The following PFKFB3 variants were observed in gnomAD, a reference collection of about 807,000 sequenced individuals.
The protein encoded by PFKFB3 is 6-phosphofructo-2-kinase/fructose-2,6-biphosphatase 3, also known as 6-phosphofructo-2-kinase/fructose-2,6-bisphosphatase 3.
Under a neutral mutation model 68.0 loss-of-function variants are expected in PFKFB3, and 33 were observed. The ratio of observed to expected loss-of-function variants is 0.49; its 90% confidence interval spans 0.37 to 0.65. The LOEUF is 0.65. PFKFB3 is among the 30% of genes least tolerant of loss of function. PFKFB3 has a pLI of 0.00. For missense variants in PFKFB3, 586 were observed against 712.2 expected (o/e 0.82, Z 2.02); for synonymous variants, 315 against 288.2 (o/e 1.09, Z -0.94).
intron 1 of PFKFB3, among the ~76,000 whole-genome samples, chr10:6,167,349 A>T (rs1842175312): frequency 6.6e-6 from 1 of 152,190 alleles, no homozygotes; most frequent in South Asian, 2.1e-4. Flanking sequence ...TGTCTGTCTG[A>T]TACTGAGTCT....
chr10:6,155,771 C>T (rs1206535040), intron 1 of PFKFB3, among the ~76,000 whole-genome samples: 1 of 152,144 alleles, frequency 6.6e-6, no homozygotes, highest in East Asian at 1.9e-4. Flanking sequence ...TCCAGCTAAC[C>T]CTCGTGCCAC....
intron 1 of PFKFB3, among the ~76,000 whole-genome samples, chr10:6,169,664 G>C (rs780474883): frequency 6.6e-6 from 1 of 152,050 alleles, no homozygotes; most frequent in Non-Finnish European, 1.5e-5. Context: ...GATGTATCCT[G>C]GGCTCTCTAG....
intron 1 of PFKFB3, among the ~76,000 whole-genome samples, chr10:6,195,779 C>T (rs1044721491): frequency 9.2e-5 from 14 of 152,230 alleles, no homozygotes; most frequent in African/African-American, 3.4e-4. Context: ...ATTCGGGCTA[C>T]TGTCCTGGCT....
intron 1 of PFKFB3, among the ~76,000 whole-genome samples, chr10:6,208,967 C>T (rs1473565923): frequency 1.3e-5 from 2 of 152,194 alleles, no homozygotes; most frequent in Non-Finnish European, 2.9e-5. Context: ...ACTAATGGTA[C>T]TGCGGGCTTG....
At chr10:6,322,116 C>T in the PFKFB3 span, among the ~76,000 whole-genome samples, 4 of 152,160 alleles carry the variant, frequency 2.6e-5, no homozygotes, top group Admixed American at 6.5e-5. Flanking sequence ...GCGACTCAAA[C>T]GGAACATATC....
chr10:6,292,196 C>T, the PFKFB3 span, among the ~76,000 whole-genome samples: 1 of 149,220 alleles, frequency 6.7e-6, no homozygotes, highest in Non-Finnish European at 1.5e-5. Context: ...TCAAGTGATC[C>T]TCCCACCTCA....
the PFKFB3 span, among the ~76,000 whole-genome samples, chr10:6,267,753 G>A: frequency 1.3e-5 from 2 of 151,688 alleles, no homozygotes; most frequent in South Asian, 4.2e-4. Flanking sequence ...TCAGGAGTTC[G>A]AGACCAGCCT....
downstream of PFKFB3, among the ~76,000 whole-genome samples, chr10:6,258,040 C>T (rs968631233): frequency 1.3e-5 from 2 of 152,218 alleles, no homozygotes; most frequent in South Asian, 2.1e-4. Context: ...AGAAAGGGAC[C>T]GGCGGGTAGA....
At position 6,152,055 on chromosome 10, in the gene PFKFB3, C is replaced by T. The variant is rs144579049; in HGVS notation, c.16+7042C>T. The T allele has an allele frequency of 2.1e-4, 32 of 153,168 alleles. No homozygotes were observed. The East Asian group carries it at 5.4e-3, about 26-fold the overall frequency. 9.5% of individuals were successfully genotyped at this position (153,168 alleles called of 1,614,324 possible). On this transcript the variant is annotated intron_variant, in intron 1 of 14. Transcript: ENST00000379789. Reference sequence around the variant, plus strand: ...TGCCTAGACAAAAAATGTCCTGAAACAATACTTCACCTCAGACAATACTGT... The same window carrying T: ...TGCCTAGACAAAAAATGTCCTGAAATAATACTTCACCTCAGACAATACTGT...
chr10:6,181,213 G>C (rs1382531185), intron 1 of PFKFB3, among the ~76,000 whole-genome samples: 1 of 152,190 alleles, frequency 6.6e-6, no homozygotes, highest in Non-Finnish European at 1.5e-5. Flanking sequence ...TAGAGATAAA[G>C]TCTTGCTGTG....
At position 6,203,091 on chromosome 10, in the gene PFKFB3, G is replaced by C; in HGVS notation, c.-170G>C. 1.4e-6 allele frequency: 2 copies of C among 1,434,936 alleles called. No individual in the cohort carries two copies. The highest frequency in any genetic ancestry group is 1.5e-5 in the South Asian group (1 of 67,410). The allele number at this position is 1,434,936 out of a possible 1,614,324, so 88.9% of individuals were successfully genotyped here. A position where few individuals can be genotyped will look rare whatever the true frequency, so the allele number is the denominator to read the frequency against. The stretch of plus-strand genomic sequence containing the variant: ...CACACGTCGAGCCCCGCACAGGCGA[G>C]GGTCCGGAACTTAGCCCAAAGCACG... On this transcript the variant is annotated 5_prime_UTR_variant, in exon 1 of 15. Coordinates refer to ENST00000379775, the MANE Select transcript of PFKFB3 (RefSeq NM_004566.4).
chr10:6,282,039 G>C, the PFKFB3 span, among the ~76,000 whole-genome samples: 11 of 150,828 alleles, frequency 7.3e-5, no homozygotes, highest in East Asian at 5.8e-4. Context: ...GCACCTTCAC[G>C]GCACACTACA....
At chr10:6,240,910 CT>C (rs35946619) in intron 14 of PFKFB3, among the ~76,000 whole-genome samples, 46,638 of 147,114 alleles carry the variant, frequency 0.32, 7,375 homozygotes, top group African/African-American at 0.4. Flanking sequence ...GTAGAATGTT[CT>C]TTTTTTTTTT....
chr10:6,248,652 A>AAAAG (rs71390202), intron 14 of PFKFB3, among the ~76,000 whole-genome samples: 6,402 of 91,714 alleles, frequency 0.07, 764 homozygotes, highest in East Asian at 0.19. Context: ...AAAAAAAAAA[A>AAAAG]GGCAGGGGAT....
At chr10:6,224,514 T>A in intron 13 of PFKFB3, 1 of 528,302 alleles carries the variant, frequency 1.9e-6, no homozygotes, top group Non-Finnish European at 3.6e-6. Flanking sequence ...AGGGTCTCAG[T>A]CTGTTCCCCA....
chr10:6,219,270 G>A (rs1235271534), intron 6 of PFKFB3, among the ~76,000 whole-genome samples: 1 of 152,208 alleles, frequency 6.6e-6, no homozygotes, highest in East Asian at 1.9e-4. Context: ...GGTGACTCGG[G>A]CACGGGACAG....
chr10:6,217,025 A>C (rs1844630402), intron 5 of PFKFB3, 110 bp from the exon 6 acceptor site: 1 of 1,099,372 alleles, frequency 9.1e-7, no homozygotes, highest in African/African-American at 1.5e-5. Flanking sequence ...TGTGTTTGGG[A>C]GTTGGTGGGT....
intron 14 of PFKFB3, among the ~76,000 whole-genome samples, chr10:6,253,636 C>T (rs1176597763): frequency 6.6e-6 from 1 of 151,306 alleles, no homozygotes; most frequent in African/African-American, 2.4e-5. Context: ...GGTGCTGGTG[C>T]AGAGAGGAGA....
intron 1 of PFKFB3, among the ~76,000 whole-genome samples, chr10:6,183,627 A>ATG (rs1842784417): frequency 2.7e-5 from 4 of 146,132 alleles, no homozygotes; most frequent in South Asian, 4.2e-4. Context: ...ATATATATAT[A>ATG]TATATGTATA....
Sources: allele counts gnomAD v4.1 joint callset (sites outside exome capture counted in the v4.1 genomes callset), GRCh38; gene constraint gnomAD v4.1.1; transcripts MANE v1.5; gene names NCBI Gene and HGNC (gene_info 2026-07-23, HGNC 2026-07-21).